Variants in CTNNA2 observed in about 807,000 individuals in gnomAD.
The protein encoded by CTNNA2 is catenin alpha 2.
CTNNA2 carries 42 observed loss-of-function variants against 101.0 expected under a neutral mutation model. The ratio of observed to expected loss-of-function variants is 0.42; its 90% CI spans 0.32 to 0.54. CTNNA2 has a LOEUF of 0.54. CTNNA2 is among the 20% of genes least tolerant of loss of function. CTNNA2 has a pLI of 0.14. For synonymous variants in CTNNA2, 450 were observed against 456.4 expected (o/e 0.99, Z 0.18); for missense variants, 871 against 1,223.1 (o/e 0.71, Z 4.29).
At chr2:79,576,029 C>G (rs1253120822) in intron 1 of CTNNA2, among the ~76,000 whole-genome samples, 1 of 152,210 alleles carries the variant, frequency 6.6e-6, no homozygotes, top group Non-Finnish European at 1.5e-5. Context: ...GACTATTTCA[C>G]CACCTTTTGT....
chr2:79,232,070 C>T (rs1219628650), intron 2 of CTNNA2, among the ~76,000 whole-genome samples: 1 of 151,934 alleles, frequency 6.6e-6, no homozygotes, highest in Non-Finnish European at 1.5e-5. Flanking sequence ...CCCTGATTGC[C>T]CTGGGTAGGC....
intron 2 of CTNNA2, chr2:79,697,876 A>T (rs796752708): frequency 2.2e-4 from 34 of 152,124 alleles, no homozygotes; most frequent in African/African-American, 8.2e-4. Flanking sequence ...ATACAAGAGG[A>T]TGTGGTTGAA....
chr2:80,360,982 A>T (rs1382293463), intron 7 of CTNNA2, among the ~76,000 whole-genome samples: 1 of 152,026 alleles, frequency 6.6e-6, no homozygotes, highest in Non-Finnish European at 1.5e-5. Flanking sequence ...ATGATTTTCC[A>T]GAACCTGATT....
At chr2:79,617,329 A>G (rs1453670836) in intron 1 of CTNNA2, among the ~76,000 whole-genome samples, 1 of 152,180 alleles carries the variant, frequency 6.6e-6, no homozygotes, top group East Asian at 1.9e-4. Flanking sequence ...TTCAGGAAAT[A>G]CCTTATCAAT....
intron 2 of CTNNA2, among the ~76,000 whole-genome samples, chr2:79,242,993 T>C (rs10205325): frequency 0.74 from 86,576 of 116,592 alleles, 31,989 homozygotes; most frequent in East Asian, 0.85. Flanking sequence ...TATATATATA[T>C]ACACACACAC....
chr2:79,898,434 C>T (rs1030671585), intron 6 of CTNNA2, among the ~76,000 whole-genome samples: 1 of 152,086 alleles, frequency 6.6e-6, no homozygotes, highest in Non-Finnish European at 1.5e-5. Context: ...TGTGCCCGGC[C>T]GGTCTTAGAT....
intron 4 of CTNNA2, among the ~76,000 whole-genome samples, chr2:79,410,634 A>C (rs1488816289): frequency 4.0e-5 from 6 of 151,896 alleles, no homozygotes; most frequent in Non-Finnish European, 8.8e-5. Context: ...CCAGCCTTGC[A>C]TCCCAGGGAT....
chr2:79,673,958 A>G (rs1683021028), intron 2 of CTNNA2, among the ~76,000 whole-genome samples: 1 of 152,188 alleles, frequency 6.6e-6, no homozygotes, highest in Admixed American at 6.5e-5. Context: ...TTGAACTTCA[A>G]ACATGCATAG....
chr2:80,604,227 T>G (rs1490830185), intron 16 of CTNNA2, 48 bp downstream of exon 16: 1 of 1,480,916 alleles, frequency 6.8e-7, no homozygotes, highest in East Asian at 2.3e-5. Context: ...AGTCACTAAT[T>G]AGCACTTGGG....
intron 2 of CTNNA2, among the ~76,000 whole-genome samples, chr2:79,246,960 G>A (rs1011729258): frequency 3.3e-5 from 5 of 152,236 alleles, no homozygotes; most frequent in Admixed American, 3.3e-4. Flanking sequence ...AGACCTGAAA[G>A]CTAGGGCTCA....
At chr2:79,313,890 C>T (rs1463723687) in intron 3 of CTNNA2, among the ~76,000 whole-genome samples, 2 of 152,078 alleles carry the variant, frequency 1.3e-5, no homozygotes, top group Non-Finnish European at 1.5e-5. Context: ...GAACTCTCCT[C>T]ATATGACCGC....
chr2:80,445,153 T>A (rs143968100), intron 9 of CTNNA2, among the ~76,000 whole-genome samples: 16 of 152,120 alleles, frequency 1.1e-4, no homozygotes, highest in African/African-American at 3.9e-4. Context: ...TTGTGTTTTT[T>A]TGTTTGTTTG....
intron 7 of CTNNA2, among the ~76,000 whole-genome samples, chr2:80,249,484 T>G (rs1671589968): frequency 6.6e-6 from 1 of 152,214 alleles, no homozygotes; most frequent in Admixed American, 6.5e-5. Flanking sequence ...TTGTAACCAC[T>G]TATTGAGCAT....
intron 2 of CTNNA2, among the ~76,000 whole-genome samples, chr2:79,658,124 T>C (rs1484869774): frequency 6.6e-6 from 1 of 152,000 alleles, no homozygotes; most frequent in Non-Finnish European, 1.5e-5. Context: ...TTTTTTTCTG[T>C]ATGAAGTGCA....
intron 8 of CTNNA2, among the ~76,000 whole-genome samples, chr2:80,418,482 A>G (rs1680228767): frequency 1.3e-5 from 2 of 152,188 alleles, no homozygotes; most frequent in Non-Finnish European, 2.9e-5. Flanking sequence ...GACACAATTC[A>G]GAGTTAAACC....
chr2:79,250,077 C>T (rs925587096), intron 2 of CTNNA2, among the ~76,000 whole-genome samples: 4 of 152,142 alleles, frequency 2.6e-5, no homozygotes, highest in African/African-American at 9.7e-5. Flanking sequence ...TGGTATCAGC[C>T]TTGATGGTTA....
chr2:79,983,898 A>G (rs558239250), intron 7 of CTNNA2, among the ~76,000 whole-genome samples: 22 of 152,278 alleles, frequency 1.4e-4, no homozygotes, highest in Admixed American at 4.6e-4. Flanking sequence ...TGCTCCTGAG[A>G]GAAAATATAA....
chr2:80,572,341 TATTG>T (rs1199324751), intron 12 of CTNNA2, among the ~76,000 whole-genome samples: 1 of 152,184 alleles, frequency 6.6e-6, no homozygotes, highest in African/African-American at 2.4e-5. Flanking sequence ...TATTTTTCCG[TATTG>T]ATTTGTGGGA....
chr2:79,671,539 A>C (rs1021222407), intron 2 of CTNNA2, among the ~76,000 whole-genome samples: 2 of 152,252 alleles, frequency 1.3e-5, no homozygotes, highest in Non-Finnish European at 2.9e-5. Context: ...AAAGCAGGGA[A>C]TCAAGACTAA....
Sources: gnomAD v4.1 joint callset for allele counts (sites outside exome capture counted in the v4.1 genomes callset) on GRCh38, gnomAD v4.1.1 for gene constraint, MANE v1.5 for transcripts, NCBI Gene and HGNC (gene_info 2026-07-23, HGNC 2026-07-21) for gene names.